G2E3: variants seen among roughly 807,000 people sequenced by gnomAD.
G2E3 encodes G2/M phase-specific E3 ubiquitin-protein ligase.
Under a neutral mutation model 92.8 loss-of-function variants are expected in G2E3, and 35 were observed. The observed-to-expected ratio is 0.38, with a 90% CI of 0.29 to 0.50. The LOEUF is 0.50. Ranked by LOEUF, G2E3 falls within the 20% of genes least tolerant of loss-of-function variation. The pLI is 0.94. For synonymous variants in G2E3, 242 were observed against 272.4 expected (o/e 0.89, Z 1.10); for missense variants, 554 against 823.8 (o/e 0.67, Z 4.01).
At chr14:30,588,888 A>G (rs1046294504) in intron 3 of G2E3, among the ~76,000 whole-genome samples, 11 of 152,168 alleles carry the variant, frequency 7.2e-5, no homozygotes, top group South Asian at 2.1e-4. Context: ...ACTTTCTAAA[A>G]TCAAACATTT....
chr14:30,566,409 T>C (rs1879441622), intron 1 of G2E3, among the ~76,000 whole-genome samples: 1 of 152,236 alleles, frequency 6.6e-6, no homozygotes, highest in Non-Finnish European at 1.5e-5. Flanking sequence ...TACAGTTCTT[T>C]AATTTCTTTC....
chr14:30,560,661 C>T, intron 1 of G2E3: 3 of 608,640 alleles, frequency 4.9e-6, no homozygotes, highest in African/African-American at 3.7e-5. Flanking sequence ...TTATTTTTTT[C>T]TACCTGAATT....
chr14:30,594,471 C>CCT (rs1463716939), intron 6 of G2E3, among the ~76,000 whole-genome samples: 4 of 150,676 alleles, frequency 2.7e-5, no homozygotes, highest in East Asian at 4.0e-4. Flanking sequence ...GGGTGGATCA[C>CCT]GAGGTCAGGA....
At chr14:30,571,845 TCA>T (rs1879781824) in intron 1 of G2E3, among the ~76,000 whole-genome samples, 2 of 151,958 alleles carry the variant, frequency 1.3e-5, no homozygotes, top group African/African-American at 2.4e-5. Flanking sequence ...AGTCATGAAA[TCA>T]CATAGTTGGA....
intron 1 of G2E3, among the ~76,000 whole-genome samples, chr14:30,563,794 A>T (rs1879270000): frequency 6.6e-6 from 1 of 150,516 alleles, no homozygotes. Context: ...ATCTTGACTC[A>T]CTGCAACCTC....
At position 30,605,338 on chromosome 14, in the gene G2E3, G is replaced by A. The variant is rs191864220; in HGVS notation, c.1011-167G>A. Among the ~76,000 whole-genome samples the A allele has an allele frequency of 3.7e-3, 560 of 152,294 alleles. 7 individuals are homozygous for A. The highest frequency in any genetic ancestry group is 0.013 in the African/African-American group (530 of 41,560). ...TTAAAACTAAGATTATCAAATAACT[G>A]TTTTTGGTTCTAGTAGCAGCCATTG... On this transcript the variant is annotated intron_variant, in intron 10 of 14. Transcript: ENST00000206595.
chr14:30,565,337 T>C (rs1308387432), intron 1 of G2E3, among the ~76,000 whole-genome samples: 2 of 152,216 alleles, frequency 1.3e-5, no homozygotes, highest in East Asian at 3.8e-4. Flanking sequence ...TGTTGTTGCA[T>C]TGTAAGAGTT....
chr14:30,592,523 A>G lies in G2E3; in HGVS notation c.362+76A>G, dbSNP rs1018483794. ...AAAATACATATCCCAATGATATAAT[A>G]CTACAATAAATTTTCTGTTTAGAGC... is the stretch of plus-strand genomic sequence containing the variant. On this transcript the variant is annotated intron_variant, in intron 5 of 14. Transcript: ENST00000206595. 1.4e-5 allele frequency: 16 copies of G among 1,112,080 alleles called. No homozygotes were observed. In the Admixed American group the frequency reaches 2.3e-4, roughly 16 times the overall value. 68.9% of individuals were successfully genotyped at this position (1,112,080 alleles called of 1,614,324 possible). A position where few individuals can be genotyped will look rare whatever the true frequency, so the allele number is the denominator to read the frequency against.
chr14:30,605,873 T>A, intron 11 of G2E3, 61 bp downstream of exon 11: 2 of 841,878 alleles, frequency 2.4e-6, no homozygotes, highest in Middle Eastern at 6.0e-4. Flanking sequence ...AAGAGATAGA[T>A]AGCTGGTTAG....
intron 1 of G2E3, among the ~76,000 whole-genome samples, chr14:30,580,554 T>C (rs1479854510): frequency 1.3e-5 from 2 of 152,206 alleles, no homozygotes; most frequent in African/African-American, 4.8e-5. Context: ...TGGCTATTGA[T>C]GATGTGATTT....
chr14:30,577,665 A>G (rs1338272783), intron 1 of G2E3: 4 of 152,244 alleles, frequency 2.6e-5, no homozygotes, highest in Non-Finnish European at 4.4e-5. Flanking sequence ...CCTCCATAGC[A>G]TGTGATCCAT....
intron 1 of G2E3, among the ~76,000 whole-genome samples, chr14:30,562,566 A>G (rs1879169607): frequency 6.6e-6 from 1 of 152,000 alleles, no homozygotes. Context: ...GTCAAGGAAA[A>G]ACACCCGCTA....
chr14:30,586,431 T>G (rs879330696), intron 2 of G2E3, among the ~76,000 whole-genome samples: 3 of 152,210 alleles, frequency 2.0e-5, no homozygotes, highest in African/African-American at 2.4e-5. Flanking sequence ...TTTTGGCAGT[T>G]TAATCAGAGT....
intron 7 of G2E3, among the ~76,000 whole-genome samples, chr14:30,597,914 A>G (rs1473238172): frequency 2.0e-5 from 3 of 152,190 alleles, no homozygotes; most frequent in African/African-American, 4.8e-5. Flanking sequence ...TTAAAAATCG[A>G]AAGTGAAATA....
chr14:30,617,050 C>A lies in G2E3; in HGVS notation c.*516C>A, dbSNP rs1484655065. On this transcript the variant is annotated 3_prime_UTR_variant, in exon 15 of 15. Coordinates refer to ENST00000206595, the MANE Select transcript of G2E3 (RefSeq NM_017769.5). The stretch of plus-strand genomic sequence containing the variant: ...CTATGCATACTTTTCTAGGATGTCA[C>A]CAAATTAGTTGTTTAAAATGTTTTT... 6.6e-6 allele frequency: 1 copy of A among 152,124 alleles called. No homozygotes were observed. The highest frequency in any genetic ancestry group is 1.5e-5 in the Non-Finnish European group (1 of 68,092). The allele number at this position is 152,124 out of a possible 1,614,324, so 9.4% of individuals were successfully genotyped here.
chr14:30,597,559 GAT>G, intron 7 of G2E3, 33 bp downstream of exon 7: 1 of 1,081,508 alleles, frequency 9.2e-7, no homozygotes, highest in South Asian at 1.3e-5. Flanking sequence ...ATAAAAAAAA[GAT>G]ATTTTAAATG....
At chr14:30,583,054 A>G (rs1880518994) in intron 2 of G2E3, among the ~76,000 whole-genome samples, 1 of 152,170 alleles carries the variant, frequency 6.6e-6, no homozygotes, top group Non-Finnish European at 1.5e-5. Context: ...TTGCTTGGTC[A>G]GGTTACAGTC....
intron 1 of G2E3, among the ~76,000 whole-genome samples, chr14:30,565,786 C>T (rs903506488): frequency 2.0e-5 from 3 of 151,062 alleles, no homozygotes; most frequent in Non-Finnish European, 2.9e-5. Flanking sequence ...CTCAGCCTCC[C>T]AAGTAGCTGG....
intron 6 of G2E3, among the ~76,000 whole-genome samples, chr14:30,595,306 TTG>T (rs1378510636): frequency 6.6e-6 from 1 of 152,198 alleles, no homozygotes; most frequent in Non-Finnish European, 1.5e-5. Context: ...AAAAAGTAAT[TTG>T]TTTTAATTAA....
Sources: gnomAD v4.1 joint callset for allele counts (sites outside exome capture counted in the v4.1 genomes callset) on GRCh38, gnomAD v4.1.1 for gene constraint, MANE v1.5 for transcripts, NCBI Gene and HGNC (gene_info 2026-07-23, HGNC 2026-07-21) for gene names.